Variants in PLS1 observed in about 807,000 individuals in gnomAD.
PLS1 encodes plastin-1.
In PLS1, 32 loss-of-function variants were observed where a neutral mutation model predicts 73.7. The observed-to-expected ratio is 0.43, with a 90% CI of 0.33 to 0.58. The LOEUF (loss-of-function observed/expected upper bound fraction) is 0.58. PLS1 is among the 20% of genes least tolerant of loss of function. The probability of loss-of-function intolerance (pLI) is 0.04; values close to 1 mark genes in which losing one functional copy is unlikely to be tolerated. For synonymous variants in PLS1, 217 were observed against 261.3 expected (o/e 0.83, Z 1.63); for missense variants, 633 against 740.5 (o/e 0.85, Z 1.68).
chr3:142,664,280 G>A lies in PLS1; in HGVS notation c.43G>A (p.Glu15Lys). The A allele has an allele frequency of 6.3e-7, 1 of 1,588,588 alleles. No individual in the cohort carries two copies. Among genetic ancestry groups the A allele is most frequent in the South Asian group, 1.1e-5 (1 of 90,080 alleles). Residue 15 changes from glutamate (E) to lysine (K), a missense_variant, in exon 2 of 16, where the codon GAA (glutamate) becomes AAA (lysine). Glu to Lys is a moderately conservative substitution (Grantham distance 56). Coordinates refer to ENST00000457734, the MANE Select transcript of PLS1 (RefSeq NM_001145319.2). ...TACCATTTCTCGGGAGGAGCTTGAA[G>A]AACTACAAGAGGCATTTAATAAAAT... ...TTTISREELE[E>K]LQEAFNKIDI...
chr3:142,663,039 G>GTT (rs2037405352), intron 1 of PLS1, among the ~76,000 whole-genome samples: 1 of 151,954 alleles, frequency 6.6e-6, no homozygotes. Context: ...GTGAAACCAC[G>GTT]TCTCTACTAA....
chr3:142,662,806 G>T (rs2037399356), intron 1 of PLS1, among the ~76,000 whole-genome samples: 1 of 152,158 alleles, frequency 6.6e-6, no homozygotes, highest in Non-Finnish European at 1.5e-5. Flanking sequence ...TTATGTTGAT[G>T]AACAACATGA....
At chr3:142,641,162 ATATATATATATAT>A (rs1329190458) in intron 1 of PLS1, among the ~76,000 whole-genome samples, 1 of 144,804 alleles carries the variant, frequency 6.9e-6, no homozygotes, top group African/African-American at 2.6e-5. Flanking sequence ...GAGTGATTAT[ATATATATATATAT>A]TATATATATA....
chr3:142,664,406 T>C, intron 2 of PLS1, 99 bp downstream of exon 2: 1 of 572,548 alleles, frequency 1.7e-6, no homozygotes, highest in Non-Finnish European at 3.1e-6. Context: ...ACCACCCAAT[T>C]ACCTCCAGAT....
At chr3:142,606,397 T>G (rs2036018819) in intron 1 of PLS1, among the ~76,000 whole-genome samples, 1 of 152,204 alleles carries the variant, frequency 6.6e-6, no homozygotes. Flanking sequence ...AAATCTTCAC[T>G]TTGAATAGGA....
intron 1 of PLS1, among the ~76,000 whole-genome samples, chr3:142,605,900 T>A (rs2036009263): frequency 1.3e-5 from 2 of 152,354 alleles, no homozygotes; most frequent in East Asian, 3.9e-4. Context: ...GGATAAAAGA[T>A]TAAACTTTCT....
chr3:142,616,658 A>G (rs1283198175), intron 1 of PLS1, among the ~76,000 whole-genome samples: 1 of 152,152 alleles, frequency 6.6e-6, no homozygotes. Context: ...GCTGAAGTAC[A>G]GTGGCACGAT....
chr3:142,674,065 C>G (rs2037668408), intron 4 of PLS1, among the ~76,000 whole-genome samples: 1 of 152,138 alleles, frequency 6.6e-6, no homozygotes, highest in Non-Finnish European at 1.5e-5. Flanking sequence ...CTCTATGAAG[C>G]CTTTTCTTGA....
chr3:142,650,009 C>T (rs1304924730), intron 1 of PLS1, among the ~76,000 whole-genome samples: 3 of 151,744 alleles, frequency 2.0e-5, no homozygotes, highest in Non-Finnish European at 4.4e-5. Context: ...TTGTTTTTGT[C>T]TCTATATATT....
intron 1 of PLS1, among the ~76,000 whole-genome samples, chr3:142,659,948 AG>A (rs1379296400): frequency 6.6e-6 from 1 of 152,152 alleles, no homozygotes; most frequent in African/African-American, 2.4e-5. Flanking sequence ...CTAATCCTCA[AG>A]TATACCGTGA....
chr3:142,666,497 G>A (rs1347722439), intron 2 of PLS1, among the ~76,000 whole-genome samples: 2 of 152,098 alleles, frequency 1.3e-5, no homozygotes, highest in African/African-American at 2.4e-5. Flanking sequence ...TTTTAAGGTT[G>A]AATAATATTT....
rs752616010 is a variant in PLS1, at chr3:142,671,134, C to A, written c.364+12C>A. Reference sequence around the variant, plus strand: ...GCATTCTTATTCAGGTAACTGACTTCTCCAAATTTGATCTTTTAGTCACTG... The same window carrying A: ...GCATTCTTATTCAGGTAACTGACTTATCCAAATTTGATCTTTTAGTCACTG... On this transcript the variant is annotated intron_variant, in intron 4 of 15. Transcript: ENST00000457734. 1.9e-6 allele frequency: 3 copies of A among 1,607,962 alleles called. No homozygotes were observed. The highest frequency in any genetic ancestry group is 2.6e-6 in the Non-Finnish European group (3 of 1,175,398).
chr3:142,694,690 A>G, intron 11 of PLS1, 143 bp downstream of exon 11: 1 of 541,240 alleles, frequency 1.8e-6, no homozygotes, highest in Non-Finnish European at 3.3e-6. Flanking sequence ...GGGAATTGGC[A>G]ATACAATGGA....
At chr3:142,669,056 G>A (rs545565431) in intron 2 of PLS1, among the ~76,000 whole-genome samples, 8 of 152,080 alleles carry the variant, frequency 5.3e-5, no homozygotes, top group Admixed American at 2.6e-4. Context: ...TTTTGTTTTC[G>A]TTTTTTAAGA....
At chr3:142,649,266 T>A (rs1439718307) in intron 1 of PLS1, among the ~76,000 whole-genome samples, 2 of 145,032 alleles carry the variant, frequency 1.4e-5, no homozygotes, top group African/African-American at 5.2e-5. Context: ...AGCCCTGGAG[T>A]TCCAGGCTGC....
chr3:142,654,350 A>G (rs1560051199), intron 1 of PLS1, among the ~76,000 whole-genome samples: 1 of 152,138 alleles, frequency 6.6e-6, no homozygotes, highest in Admixed American at 6.5e-5. Context: ...GTTTACAAAT[A>G]CTATTATTTT....
intron 1 of PLS1, among the ~76,000 whole-genome samples, chr3:142,599,674 T>C (rs1205702126): frequency 6.6e-6 from 1 of 152,144 alleles, no homozygotes; most frequent in African/African-American, 2.4e-5. Flanking sequence ...AGAAGCTCTG[T>C]TCAAATTTCC....
chr3:142,599,186 A>G (rs555405920), intron 1 of PLS1, among the ~76,000 whole-genome samples: 2,755 of 150,442 alleles, frequency 0.018, 31 homozygotes, highest in South Asian at 0.041. Flanking sequence ...ATGAATAAAT[A>G]AATAAATAAA....
chr3:142,621,824 C>T (rs2036320663), intron 1 of PLS1, among the ~76,000 whole-genome samples: 1 of 152,154 alleles, frequency 6.6e-6, no homozygotes, highest in Non-Finnish European at 1.5e-5. Flanking sequence ...TGGGGGAAAT[C>T]AGAGCAAATA....
Sources: gnomAD v4.1 joint callset for allele counts (sites outside exome capture counted in the v4.1 genomes callset) on GRCh38, gnomAD v4.1.1 for gene constraint, MANE v1.5 for transcripts, NCBI Gene and HGNC (gene_info 2026-07-23, HGNC 2026-07-21) for gene names.